The following OR5T2 variants were observed in gnomAD, a reference collection of about 807,000 sequenced individuals.
The protein encoded by OR5T2 is olfactory receptor family 5 subfamily T member 2.
In OR5T2, 12 loss-of-function variants were observed where a neutral mutation model predicts 13.7. That is an observed-to-expected ratio of 0.88 (90% CI 0.56 to 1.42). The LOEUF (loss-of-function observed/expected upper bound fraction) is 1.42. OR5T2 is among the 40% of genes most tolerant of loss of function. OR5T2 has a pLI of 0.00. For missense variants in OR5T2, 475 were observed against 372.0 expected (o/e 1.28, Z -2.28); for synonymous variants, 146 against 139.5 (o/e 1.05, Z -0.33).
At position 56,232,805 on chromosome 11, in the gene OR5T2, C is replaced by T; in HGVS notation, c.258G>A (p.Lys86=). The stretch of plus-strand genomic sequence containing the variant: ...ATCCAAGGAATGAAATGACTTTATT[C>T]TTTGTCGTAAAATCTACTAACATAT... ...TPNMLVDFTT[K]NKVISFLGCV... The change falls in exon 2 of 2, where the codon AAG becomes AAA. Residue 86 remains lysine, a synonymous_variant. Transcript: ENST00000641661. 5 of 1,613,942 alleles carry T rather than the reference C, an allele frequency of 3.1e-6. No homozygotes were observed. Among genetic ancestry groups the T allele is most frequent in the Non-Finnish European group, 4.2e-6 (5 of 1,179,940 alleles).
At chr11:56,233,890 G>C (rs1050596831) in intron 1 of OR5T2, among the ~76,000 whole-genome samples, 2 of 151,406 alleles carry the variant, frequency 1.3e-5, no homozygotes, top group Admixed American at 6.6e-5. Context: ...TGTGAGACAG[G>C]CATTTCTACT....
intron 1 of OR5T2, 83 bp downstream of exon 1, chr11:56,234,094 T>C (rs1024195599): frequency 1.3e-5 from 2 of 152,094 alleles, no homozygotes; most frequent in Non-Finnish European, 2.9e-5. Context: ...ATATCGTGAA[T>C]GTAATAACGA....
rs1565081914 is a variant in OR5T2, at chr11:56,231,289, T to G, written c.*817A>C. 6.6e-6 allele frequency: 1 copy of G among 152,188 alleles called. No homozygotes were observed. The highest frequency in any genetic ancestry group is 1.5e-5 in the Non-Finnish European group (1 of 68,038). 9.4% of individuals were successfully genotyped at this position (152,188 alleles called of 1,614,324 possible). A position where few individuals can be genotyped will look rare whatever the true frequency, so the allele number is the denominator to read the frequency against. On this transcript the variant is annotated 3_prime_UTR_variant, in exon 2 of 2. Transcript: ENST00000641661. Reference sequence around the variant, plus strand: ...ATTTTTATTATCGTCTAGGGAAAACTCTTGCTAACCAGGTTTTTCCTCTAC... The same window carrying G: ...ATTTTTATTATCGTCTAGGGAAAACGCTTGCTAACCAGGTTTTTCCTCTAC...
At position 56,232,251 on chromosome 11, in the gene OR5T2, A is replaced by G. The variant is rs558307160; in HGVS notation, c.812T>C (p.Ile271Thr). Reference protein sequence around the residue: ...SSSYASDHDMIVSIFYTIVIP... With the variant: ...SSSYASDHDMTVSIFYTIVIP... Reference sequence around the variant, plus strand: ...CACAATGGTGTAAAATATTGACACTATCATGTCATGGTCCGAAGCATAGCT... The same window carrying G: ...CACAATGGTGTAAAATATTGACACTGTCATGTCATGGTCCGAAGCATAGCT... Residue 271 changes from isoleucine to threonine, a missense_variant, in exon 2 of 2, where the codon ATA (isoleucine) becomes ACA (threonine). Ile to Thr is a moderately conservative substitution (Grantham distance 89, BLOSUM62 -1). Transcript: ENST00000641661. 1.8e-5 allele frequency: 29 copies of G among 1,613,536 alleles called. No homozygotes were observed. The highest frequency in any genetic ancestry group is 2.3e-5 in the Non-Finnish European group (27 of 1,179,754).
In OR5T2 at chr11:56,233,005, C is replaced by G; in HGVS notation, c.58G>C (p.Glu20Gln). The G allele has an allele frequency of 6.2e-7, 1 of 1,604,606 alleles. No homozygotes were observed. The highest frequency in any genetic ancestry group is 1.1e-5 in the South Asian group (1 of 90,018). The change falls in exon 2 of 2, where the codon GAA (glutamate) becomes CAA (glutamine). Residue 20 changes from glutamate to glutamine, a missense_variant. Coordinates refer to ENST00000641661, the MANE Select transcript of OR5T2 (RefSeq NM_001004746.4). ...FVLKGFTDNLELQTIFFFLFL... is the reference protein window; with the variant it reads ...FVLKGFTDNLQLQTIFFFLFL... The stretch of plus-strand genomic sequence containing the variant: ...AGGAAGAAGAAGATAGTCTGCAGTT[C>G]AAGATTGTCTGTGAAGCCCTTCAGT...
intron 1 of OR5T2, among the ~76,000 whole-genome samples, chr11:56,233,963 C>T (rs753770999): frequency 6.6e-6 from 1 of 151,362 alleles, no homozygotes; most frequent in African/African-American, 2.4e-5. Context: ...GTCAAAGATT[C>T]AGAGTTATAA....
rs762290152 is a variant in OR5T2 at position 56,232,338 on chromosome 11, T to G, written c.725A>C (p.His242Pro). The G allele has an allele frequency of 5.6e-6, 9 of 1,607,648 alleles. No individual in the cohort carries two copies. The highest frequency in any genetic ancestry group is 7.6e-6 in the Non-Finnish European group (9 of 1,176,918). The change falls in exon 2 of 2, where the codon CAC becomes CCC. Residue 242 changes from histidine (H) to proline (P), a missense_variant. By Grantham distance (77) the His-to-Pro change is moderately conservative. Transcript: ENST00000641661. ...RRKVFSTCGA[H>P]LTGVSIYYGT... ...ATAATAAATTGACACTCCAGTTAGG[T>G]GAGCTCCACATGTGGAGAAGACTTT...
chr11:56,233,051 G>T lies in OR5T2; in HGVS notation c.12C>A (p.Val4=). The change falls in exon 2 of 2, where the codon GTC becomes GTA. Residue 4 remains valine (V), a synonymous_variant. Coordinates refer to ENST00000641661, the MANE Select transcript of OR5T2 (RefSeq NM_001004746.4). MKN[V]TEVTLFVLKG... is the part of the protein sequence containing the mutation. Reference sequence around the variant, plus strand: ...TCAGTACAAATAAGGTAACTTCAGTGACATTCTTCATGTTGAAATCTAGAA... The same window carrying T: ...TCAGTACAAATAAGGTAACTTCAGTTACATTCTTCATGTTGAAATCTAGAA... 6.2e-7 allele frequency: 1 copy of T among 1,606,550 alleles called. No homozygotes were observed.
rs145960242 is a variant in OR5T2, at chr11:56,232,961, G to C, written c.102C>G (p.Leu34=). 287 of 1,609,786 alleles carry C rather than the reference G, an allele frequency of 1.8e-4. No individual in the cohort carries two copies. Among genetic ancestry groups the C allele is most frequent in the South Asian group, 3.8e-4 (34 of 90,394 alleles). ...IFFFLFLAIY[L]FTLMGNLGLI... The stretch of plus-strand genomic sequence containing the variant: ...GTCCTAAATTTCCCATGAGAGTGAA[G>C]AGGTAGATTGCTAGAAACAGGAAGA... The change falls in exon 2 of 2, where the codon CTC becomes CTG. Residue 34 remains leucine (L), a synonymous_variant. Coordinates refer to ENST00000641661, the MANE Select transcript of OR5T2 (RefSeq NM_001004746.4).
rs1396525483 is a variant in OR5T2 at position 56,232,123 on chromosome 11, A to G, written c.940T>C (p.Phe314Leu). ...GKNQVINKVY[F>L]HTKK ...TTTATAATTTATTTTTTAGTATGAA[A>G]ATATACTTTATTGATAACCTGATTT... The change falls in exon 2 of 2, where the codon TTT (phenylalanine) becomes CTT (leucine). Residue 314 changes from phenylalanine to leucine, a missense_variant. Physicochemically the swap from Phe to Leu is conservative, Grantham distance 22 (BLOSUM62 0). Transcript: ENST00000641661. 6.4e-7 allele frequency: 1 copy of G among 1,553,514 alleles called. No individual in the cohort carries two copies. The highest frequency in any genetic ancestry group is 2.0e-5 in the Admixed American group (1 of 51,008).
rs566636550 is a variant in OR5T2, at chr11:56,233,257, G to A, written c.-195C>T. On this transcript the variant is annotated 5_prime_UTR_variant, in exon 2 of 2. Transcript: ENST00000641661. ...ACAAACTGGTCAGCCATGTGTTCAT[G>A]CCACTCACTGCAGAATCAAATGGAA... 4.0e-5 allele frequency: 49 copies of A among 1,212,134 alleles called. 1 individual carries two copies. The South Asian group carries it at 9.9e-4, about 25-fold the overall frequency. 75.1% of individuals were successfully genotyped at this position (1,212,134 alleles called of 1,614,324 possible).
rs1239817790 is a variant in OR5T2, at chr11:56,232,618, C to G, written c.445G>C (p.Ala149Pro). ...TGTATAGTAGCATGTAAAATGCCAG[C>G]AACATAGGAAGCATTGATGAGTGGC... is the stretch of plus-strand genomic sequence containing the variant. The part of the protein sequence containing the change: ...YMPLINASYV[A>P]GILHATIHTV... Residue 149 changes from alanine (A) to proline (P), a missense_variant, in exon 2 of 2, where the codon GCT (alanine) becomes CCT (proline). Ala to Pro is a conservative substitution (Grantham distance 27). Transcript: ENST00000641661. 1 of 1,614,048 alleles carries G rather than the reference C, an allele frequency of 6.2e-7. No homozygotes were observed. Among genetic ancestry groups the G allele is most frequent in the Non-Finnish European group, 8.5e-7 (1 of 1,179,968 alleles).
chr11:56,231,433 T>A lies in OR5T2; in HGVS notation c.*673A>T, dbSNP rs1853276239. ...GTATCCTCTAATTCAGTTGCAACAC[T>A]ATCTACCCAGAGATAGTGTCAGATC... On this transcript the variant is annotated 3_prime_UTR_variant, in exon 2 of 2. Transcript: ENST00000641661. The A allele has an allele frequency of 1.3e-5, 2 of 152,008 alleles. No individual in the cohort carries two copies. Among genetic ancestry groups the A allele is most frequent in the Admixed American group, 1.3e-4 (2 of 15,252 alleles). The allele number at this position is 152,008 out of a possible 1,614,324, so 9.4% of individuals were successfully genotyped here. A position where few individuals can be genotyped will look rare whatever the true frequency, so the allele number is the denominator to read the frequency against.
intron 1 of OR5T2, among the ~76,000 whole-genome samples, chr11:56,233,794 A>G (rs1853330690): frequency 6.6e-6 from 1 of 151,998 alleles, no homozygotes; most frequent in South Asian, 2.1e-4. Context: ...CCAAAAATAA[A>G]CATGCAAATT....
Position 56,232,373 on chromosome 11 carries a change from T to TTCAGCAGAATACATCTTCAGAATGG in OR5T2, c.665_689dup (p.Glu230AspfsTer9). Reference sequence around the variant, plus strand: ...ATGTGGAGAAGACTTTTCTCCTCCCTTCAGCAGAATACATCTTCAGAATGG... The same window carrying TTCAGCAGAATACATCTTCAGAATGG: ...ATGTGGAGAAGACTTTTCTCCTCCCTTCAGCAGAATACATCTTCAGAATGGTCAGCAGAATACATCTTCAGAATGG... On this transcript the variant is annotated stop_gained and frameshift_variant, in exon 2 of 2. Coordinates refer to ENST00000641661, the MANE Select transcript of OR5T2 (RefSeq NM_001004746.4). LOFTEE classifies it high-confidence loss of function. 6.2e-7 allele frequency: 1 copy of TTCAGCAGAATACATCTTCAGAATGG among 1,609,808 alleles called. No individual in the cohort carries two copies. The highest frequency in any genetic ancestry group is 8.5e-7 in the Non-Finnish European group (1 of 1,177,732).
rs757534856 is a variant in OR5T2 at position 56,232,124 on chromosome 11, A to G, written c.939T>C (p.Tyr313=). 2.6e-6 allele frequency: 4 copies of G among 1,554,334 alleles called. No homozygotes were observed. In the South Asian group the frequency reaches 5.0e-5, roughly 19 times the overall value. ...TTATAATTTATTTTTTAGTATGAAAATATACTTTATTGATAACCTGATTTT... is the reference window on the plus strand; with the variant it reads ...TTATAATTTATTTTTTAGTATGAAAGTATACTTTATTGATAACCTGATTTT... The part of the protein sequence containing the change: ...FGKNQVINKV[Y]FHTKK The change falls in exon 2 of 2, where the codon TAT becomes TAC. Residue 313 remains tyrosine, a synonymous_variant. Transcript: ENST00000641661.
chr11:56,232,060 C>T lies in OR5T2; in HGVS notation c.*46G>A. ...CATATATCATAACACCACAATGACACATTCTTGGTATTGAGGTGCAGAGTA... is the reference window on the plus strand; with the variant it reads ...CATATATCATAACACCACAATGACATATTCTTGGTATTGAGGTGCAGAGTA... On this transcript the variant is annotated 3_prime_UTR_variant, in exon 2 of 2. Transcript: ENST00000641661. The T allele has an allele frequency of 7.0e-7, 1 of 1,435,980 alleles. No individual in the cohort carries two copies. The highest frequency in any genetic ancestry group is 9.3e-7 in the Non-Finnish European group (1 of 1,074,772). 89.0% of individuals were successfully genotyped at this position (1,435,980 alleles called of 1,614,324 possible).
At position 56,232,232 on chromosome 11, in the gene OR5T2, G is replaced by A. The variant is rs747621611; in HGVS notation, c.831C>T (p.Thr277=). ...DHDMIVSIFY[T]IVIPLLNPVI... is the part of the protein sequence containing the mutation. ...CGGGATTCAGCAAGGGAATCACAAT[G>A]GTGTAAAATATTGACACTATCATGT... Residue 277 remains threonine, a synonymous_variant, in exon 2 of 2, where the codon ACC becomes ACT. Coordinates refer to ENST00000641661, the MANE Select transcript of OR5T2 (RefSeq NM_001004746.4). 6.2e-7 allele frequency: 1 copy of A among 1,613,518 alleles called. No individual in the cohort carries two copies. Among genetic ancestry groups the A allele is most frequent in the South Asian group, 1.1e-5 (1 of 90,992 alleles).
Position 56,231,344 on chromosome 11 carries a change from A to C in OR5T2, c.*762T>G, listed in dbSNP as rs966866872. On this transcript the variant is annotated 3_prime_UTR_variant, in exon 2 of 2. Coordinates refer to ENST00000641661, the MANE Select transcript of OR5T2 (RefSeq NM_001004746.4). Reference sequence around the variant, plus strand: ...ATACCACAACAATCATCAACACAGAAGACTTCTGTGATCAAATGGGTAGGG... The same window carrying C: ...ATACCACAACAATCATCAACACAGACGACTTCTGTGATCAAATGGGTAGGG... 5.3e-5 allele frequency: 8 copies of C among 152,168 alleles called. No individual in the cohort carries two copies. The highest frequency in any genetic ancestry group is 1.9e-4 in the African/African-American group (8 of 41,446). The allele number at this position is 152,168 out of a possible 1,614,324, so 9.4% of individuals were successfully genotyped here.
Sources: gnomAD v4.1 joint callset for allele counts (sites outside exome capture counted in the v4.1 genomes callset) on GRCh38, gnomAD v4.1.1 for gene constraint, MANE v1.5 for transcripts, NCBI Gene and HGNC (gene_info 2026-07-23, HGNC 2026-07-21) for gene names.